VTI1A: variants seen among roughly 807,000 people sequenced by gnomAD.
The protein encoded by VTI1A is vesicle transport through interaction with t-SNAREs homolog 1A.
VTI1A carries 22 observed loss-of-function variants against 34.9 expected under a neutral mutation model. The observed-to-expected ratio is 0.63, with a 90% CI of 0.45 to 0.90. The LOEUF is 0.90. VTI1A is among the 40% of genes least tolerant of loss of function. The pLI is 0.00. For synonymous variants in VTI1A, 87 were observed against 97.3 expected, an observed-to-expected ratio of 0.89 and a Z score of 0.62; for missense variants, 268 against 275.6, an observed-to-expected ratio of 0.97 and a Z score of 0.20.
At chr10:112,744,831 G>C (rs1850835889) in intron 7 of VTI1A, among the ~76,000 whole-genome samples, 1 of 152,142 alleles carries the variant, frequency 6.6e-6, no homozygotes, top group Non-Finnish European at 1.5e-5. Flanking sequence ...CTACATTGCA[G>C]ATCCAGCACG....
intron 5 of VTI1A, among the ~76,000 whole-genome samples, chr10:112,578,458 G>C (rs920125139): frequency 1.3e-5 from 2 of 152,142 alleles, no homozygotes; most frequent in Non-Finnish European, 2.9e-5. Context: ...AGAAAATACT[G>C]AATTTAAGAT....
chr10:112,475,447 A>G lies in VTI1A; in HGVS notation c.264+10790A>G, dbSNP rs1448744639. The stretch of plus-strand genomic sequence containing the variant: ...AGTTTTTTTCCTACCTTACTTAACA[A>G]TGATTTTTCATCACTGGAATTATAG... On this transcript the variant is annotated intron_variant, in intron 3 of 7. Coordinates refer to ENST00000393077, the MANE Select transcript of VTI1A (RefSeq NM_145206.4). Among the ~76,000 whole-genome samples, 4 of 152,328 alleles carry G rather than the reference A, an allele frequency of 2.6e-5. No homozygotes were observed. The East Asian group carries it at 7.7e-4, about 29-fold the overall frequency.
At chr10:112,841,542 C>T in the VTI1A span, among the ~76,000 whole-genome samples, 1 of 152,136 alleles carries the variant, frequency 6.6e-6, no homozygotes. Context: ...GGGCATTGGT[C>T]ATGCAGCTGG....
intron 7 of VTI1A, among the ~76,000 whole-genome samples, chr10:112,759,182 G>C (rs924073325): frequency 6.6e-6 from 1 of 152,180 alleles, no homozygotes; most frequent in East Asian, 1.9e-4. Context: ...AAAGAAGCCC[G>C]AGGCAATGCT....
chr10:112,674,628 T>G (rs919285423), intron 7 of VTI1A, among the ~76,000 whole-genome samples: 1 of 152,198 alleles, frequency 6.6e-6, no homozygotes, highest in Non-Finnish European at 1.5e-5. Flanking sequence ...CTTTGAGCCT[T>G]AAGTGCATAT....
chr10:112,783,289 C>A (rs1007936729), intron 7 of VTI1A, among the ~76,000 whole-genome samples: 4 of 152,016 alleles, frequency 2.6e-5, no homozygotes, highest in African/African-American at 9.7e-5. Flanking sequence ...ATGAAAACAA[C>A]TTTGGGATAT....
chr10:112,530,962 T>C (rs1589867554), intron 4 of VTI1A, among the ~76,000 whole-genome samples: 1 of 152,042 alleles, frequency 6.6e-6, no homozygotes, highest in Non-Finnish European at 1.5e-5. Context: ...GGGCGTTTAA[T>C]AGAGTTCAGC....
At chr10:112,492,751 C>T (rs566859319) in intron 3 of VTI1A, among the ~76,000 whole-genome samples, 7 of 149,994 alleles carry the variant, frequency 4.7e-5, no homozygotes, top group Non-Finnish European at 8.9e-5. Context: ...CACGCCACTG[C>T]ACTCCAGCCT....
chr10:112,773,938 A>G (rs539983325), intron 7 of VTI1A, among the ~76,000 whole-genome samples: 2 of 152,342 alleles, frequency 1.3e-5, no homozygotes, highest in South Asian at 2.1e-4. Context: ...AGCCACTGAC[A>G]TAAACACAGG....
chr10:112,809,053 C>T (rs573169111), intron 7 of VTI1A, among the ~76,000 whole-genome samples: 5 of 152,288 alleles, frequency 3.3e-5, no homozygotes, highest in African/African-American at 1.2e-4. Flanking sequence ...CTGCCTGGGC[C>T]ATATGTCCAT....
At chr10:112,622,491 G>A (rs1292973107) in intron 5 of VTI1A, among the ~76,000 whole-genome samples, 1 of 151,740 alleles carries the variant, frequency 6.6e-6, no homozygotes, top group East Asian at 1.9e-4. Flanking sequence ...AATGGGATTG[G>A]GTAGAAGAGC....
intron 5 of VTI1A, among the ~76,000 whole-genome samples, chr10:112,605,240 A>G (rs539480038): frequency 1.8e-4 from 27 of 152,130 alleles, no homozygotes; most frequent in Non-Finnish European, 3.7e-4. Context: ...GAAGAACGAT[A>G]TGTGTAGTGT....
At chr10:112,779,617 T>G (rs1394459505) in intron 7 of VTI1A, among the ~76,000 whole-genome samples, 2 of 152,240 alleles carry the variant, frequency 1.3e-5, no homozygotes, top group African/African-American at 4.8e-5. Context: ...TAGCACATGC[T>G]CATCCCACTA....
At chr10:112,755,139 C>T (rs1179615591) in intron 7 of VTI1A, among the ~76,000 whole-genome samples, 1 of 152,080 alleles carries the variant, frequency 6.6e-6, no homozygotes, top group Non-Finnish European at 1.5e-5. Flanking sequence ...CCTGTAATCC[C>T]AGCTACCTCA....
At chr10:112,762,682 A>G (rs1258875759) in intron 7 of VTI1A, among the ~76,000 whole-genome samples, 2 of 152,166 alleles carry the variant, frequency 1.3e-5, no homozygotes, top group Non-Finnish European at 2.9e-5. Flanking sequence ...TCAGTATTCC[A>G]ATTTCTCATT....
At chr10:112,473,445 T>C (rs1848170226) in intron 3 of VTI1A, among the ~76,000 whole-genome samples, 1 of 152,102 alleles carries the variant, frequency 6.6e-6, no homozygotes, top group Non-Finnish European at 1.5e-5. Flanking sequence ...GTAACATTAG[T>C]ATTTTCCATT....
intron 7 of VTI1A, among the ~76,000 whole-genome samples, chr10:112,751,246 G>C (rs548380762): frequency 3.9e-5 from 6 of 152,244 alleles, no homozygotes; most frequent in South Asian, 2.1e-4. Context: ...ATTATGTAAG[G>C]GTTGAAGAAA....
rs560497445 is a variant in VTI1A at position 112,816,276 on chromosome 10, A to G, written c.*893A>G. On this transcript the variant is annotated 3_prime_UTR_variant, in exon 8 of 8. Transcript: ENST00000393077. ...CTCTCCACATACATTCCAGTATGTA[A>G]AGAGACCATGAATATTTCAGTAAGA... 9 of 215,640 alleles carry G rather than the reference A, an allele frequency of 4.2e-5. No homozygotes were observed. Among genetic ancestry groups the G allele is most frequent in the African/African-American group, 1.8e-4 (8 of 44,544 alleles). 13.4% of individuals were successfully genotyped at this position (215,640 alleles called of 1,614,324 possible).
At chr10:112,682,203 G>T (rs978466798) in intron 7 of VTI1A, among the ~76,000 whole-genome samples, 1 of 152,120 alleles carries the variant, frequency 6.6e-6, no homozygotes, top group Non-Finnish European at 1.5e-5. Flanking sequence ...CATGGATCTG[G>T]AAGAGATAAA....
Sources: gnomAD v4.1 joint callset for allele counts (sites outside exome capture counted in the v4.1 genomes callset) on GRCh38, gnomAD v4.1.1 for gene constraint, MANE v1.5 for transcripts, NCBI Gene and HGNC (gene_info 2026-07-23, HGNC 2026-07-21) for gene names.